CCDC136: variants seen among roughly 807,000 people sequenced by gnomAD.
CCDC136 encodes the protein coiled-coil domain containing 136.
Under a neutral mutation model 141.2 loss-of-function variants are expected in CCDC136, and 100 were observed. The observed-to-expected ratio is 0.71, with a 90% CI of 0.60 to 0.84. The LOEUF (loss-of-function observed/expected upper bound fraction) is 0.84, where lower values mean the gene tolerates loss of function less well. Among genes scored for constraint, CCDC136 ranks in the 40% least tolerant of loss-of-function variants. The pLI, the probability that CCDC136 is intolerant of heterozygous loss-of-function variation, is 0.00. For missense variants in CCDC136, 1,206 were observed against 1,379.4 expected (o/e 0.87, Z 1.99); for synonymous variants, 474 against 531.9 (o/e 0.89, Z 1.50).
In CCDC136 at chr7:128,812,803, G is replaced by A; in HGVS notation, c.2637G>A (p.Glu879=). The change falls in exon 14 of 18, where the codon GAG becomes GAA. Residue 879 remains glutamate (E), a synonymous_variant. Transcript: ENST00000297788. ...AGGAGGAACACAGCCAGCTGCAAGA[G>A]CAGATGGAAAAGTTACTGGCCAAGC... The part of the protein sequence containing the change: ...ISQEEHSQLQ[E]QMEKLLAKQK... 1 of 1,613,558 alleles carries A rather than the reference G, an allele frequency of 6.2e-7. No homozygotes were observed. Among genetic ancestry groups the A allele is most frequent in the Non-Finnish European group, 8.5e-7 (1 of 1,179,780 alleles).
chr7:128,807,653 A>T, intron 10 of CCDC136, 108 bp downstream of exon 10: 1 of 665,644 alleles, frequency 1.5e-6, no homozygotes, highest in East Asian at 3.4e-5. Context: ...TGGCCTTCCT[A>T]GGCAGGAAGC....
chr7:128,813,394 G>A (rs1806082285), intron 14 of CCDC136, among the ~76,000 whole-genome samples: 1 of 152,194 alleles, frequency 6.6e-6, no homozygotes, highest in African/African-American at 2.4e-5. Context: ...TCTTGTCTCT[G>A]GCCAGGGGTT....
In CCDC136 at chr7:128,822,048, G is replaced by T. The variant is rs1429363488; in HGVS notation, c.*255G>T. ...CAGCCTCAGTCACCCAGGCTGAAAAGGCTTGTGGGGAGCGGCTGACTTCCA... is the reference window on the plus strand; with the variant it reads ...CAGCCTCAGTCACCCAGGCTGAAAATGCTTGTGGGGAGCGGCTGACTTCCA... On this transcript the variant is annotated 3_prime_UTR_variant, in exon 18 of 18. Transcript: ENST00000297788. 1 of 1,196,190 alleles carries T rather than the reference G, an allele frequency of 8.4e-7. No individual in the cohort carries two copies. Among genetic ancestry groups the T allele is most frequent in the African/African-American group, 1.6e-5 (1 of 62,886 alleles). 74.1% of individuals were successfully genotyped at this position (1,196,190 alleles called of 1,614,324 possible).
chr7:128,811,016 A>G (rs951340975), intron 12 of CCDC136, among the ~76,000 whole-genome samples: 17 of 152,180 alleles, frequency 1.1e-4, no homozygotes, highest in African/African-American at 3.4e-4. Flanking sequence ...TCACCATACA[A>G]TTCTCTTCAG....
intron 12 of CCDC136, among the ~76,000 whole-genome samples, chr7:128,810,941 C>T (rs1486698503): frequency 6.6e-6 from 1 of 152,108 alleles, no homozygotes; most frequent in Non-Finnish European, 1.5e-5. Flanking sequence ...AGGGGTTAGA[C>T]CAGAAAATTG....
chr7:128,796,739 A>ATTTTTTTTTTTTTTT (rs1554377202), intron 3 of CCDC136, among the ~76,000 whole-genome samples: 4 of 113,376 alleles, frequency 3.5e-5, no homozygotes, highest in Non-Finnish European at 6.7e-5. Flanking sequence ...ATATATATAT[A>ATTTTTTTTTTTTTTT]TTCTTTTTTT....
intron 4 of CCDC136, among the ~76,000 whole-genome samples, chr7:128,803,326 A>G (rs1804330830): frequency 6.6e-6 from 1 of 152,164 alleles, no homozygotes; most frequent in Non-Finnish European, 1.5e-5. Context: ...TTAGTCATGA[A>G]GCAACAAAAC....
At position 128,812,290 on chromosome 7, in the gene CCDC136, C is replaced by G; in HGVS notation, c.2519C>G (p.Pro840Arg). 1.2e-6 allele frequency: 2 copies of G among 1,612,446 alleles called. No individual in the cohort carries two copies. Among genetic ancestry groups the G allele is most frequent in the South Asian group, 2.2e-5 (2 of 90,864 alleles). ...SFVSSCTDEE[P>R]AEPEDMERFE... The stretch of plus-strand genomic sequence containing the variant: ...GTCAGCAGCTGCACTGACGAGGAAC[C>G]TGCTGAGCCTGAAGACATGGAGGTA... The change falls in exon 13 of 18, where the codon CCT (proline) becomes CGT (arginine). Residue 840 changes from proline (P) to arginine (R), a missense_variant. Physicochemically the swap from Pro to Arg is moderately radical, Grantham distance 103. Transcript: ENST00000297788.
Position 128,801,487 on chromosome 7 carries a change from C to T in CCDC136, c.648C>T (p.Leu216=), listed in dbSNP as rs117874579. Residue 216 remains leucine (L), a synonymous_variant, in exon 4 of 18, where the codon CTC becomes CTT. Coordinates refer to ENST00000297788, the MANE Select transcript of CCDC136 (RefSeq NM_022742.5). ...CTGAACCATCCGGTAGTTTAGGTCTCTCAGATTACTCTGGGTTACAAGGTA... is the reference window on the plus strand; with the variant it reads ...CTGAACCATCCGGTAGTTTAGGTCTTTCAGATTACTCTGGGTTACAAGGTA... The part of the protein sequence containing the change: ...KSSEPSGSLG[L]SDYSGLQEEL... 785 of 1,604,342 alleles carry T rather than the reference C, an allele frequency of 4.9e-4. 1 individual carries two copies. The highest frequency in any genetic ancestry group is 5.5e-4 in the Non-Finnish European group (646 of 1,172,594).
In CCDC136 at chr7:128,794,188, G is replaced by A; in HGVS notation, c.17-160G>A. The A allele has an allele frequency of 1.1e-6, 1 of 896,576 alleles. No individual in the cohort carries two copies. The highest frequency in any genetic ancestry group is 1.8e-6 in the Non-Finnish European group (1 of 561,388). The allele number at this position is 896,576 out of a possible 1,614,324, so 55.5% of individuals were successfully genotyped here. ...TCTCAACTTGACTCTCACACCTGAG[G>A]ACTCATCTTGAGTACAGGTCTTGCC... On this transcript the variant is annotated intron_variant, in intron 1 of 17. Transcript: ENST00000297788. The surrounding 1 kb of genome is among the most constrained non-coding windows in gnomAD (Gnocchi z 4.3).
Position 128,812,054 on chromosome 7 carries a change from T to G in CCDC136, c.2283T>G (p.Thr761=). 1 of 1,614,022 alleles carries G rather than the reference T, an allele frequency of 6.2e-7. No individual in the cohort carries two copies. The highest frequency in any genetic ancestry group is 8.5e-7 in the Non-Finnish European group (1 of 1,179,884). ...CCAGCAATGAGAACTGTCGCAAGAC[T>G]TATGATACCACTGTGGATGACAATG... ...MVPSNENCRK[T]YDTTVDDNES... is the part of the protein sequence containing the mutation. Residue 761 remains threonine (T), a synonymous_variant, in exon 13 of 18, where the codon ACT becomes ACG. Coordinates refer to ENST00000297788, the MANE Select transcript of CCDC136 (RefSeq NM_022742.5).
In CCDC136 at chr7:128,801,289, CCAGAGTCTGCGGCAAGCAG is replaced by C; in HGVS notation, c.456_474del (p.Ser152ArgfsTer11). On this transcript the variant is annotated frameshift_variant, in exon 4 of 18. Coordinates refer to ENST00000297788, the MANE Select transcript of CCDC136 (RefSeq NM_022742.5). LOFTEE classifies it high-confidence loss of function. ...AATTGCATTTGGCCCAGGCTGAGAT[CCAGAGTCTGCGGCAAGCAG>C]CAGAGGATTCCGCAACTGAACATGA... The C allele has an allele frequency of 6.2e-7, 1 of 1,613,848 alleles. No individual in the cohort carries two copies. Among genetic ancestry groups the C allele is most frequent in the Non-Finnish European group, 8.5e-7 (1 of 1,179,842 alleles).
In CCDC136 at chr7:128,821,683, C is replaced by A; in HGVS notation, c.*6-116C>A. ...CCTCCACCGGTTACCCAGGAGGTAA[C>A]AGAGACTGATCCACAATGTTCCTGA... On this transcript the variant is annotated intron_variant, in intron 17 of 17. Transcript: ENST00000297788. This position sits in a 1 kb window ranked among gnomAD's most constrained non-coding sequence, Gnocchi z 5.1. 1 of 739,794 alleles carries A rather than the reference C, an allele frequency of 1.4e-6. No homozygotes were observed. Among genetic ancestry groups the A allele is most frequent in the Non-Finnish European group, 2.0e-6 (1 of 502,912 alleles). The allele number at this position is 739,794 out of a possible 1,614,324, so 45.8% of individuals were successfully genotyped here. A position where few individuals can be genotyped will look rare whatever the true frequency, so the allele number is the denominator to read the frequency against.
intron 16 of CCDC136, 75 bp downstream of exon 16, chr7:128,816,006 C>A: frequency 6.9e-7 from 1 of 1,445,126 alleles, no homozygotes; most frequent in East Asian, 2.3e-5. Flanking sequence ...AATGGGTGGC[C>A]CTGCCAAGGA....
At position 128,807,430 on chromosome 7, in the gene CCDC136, G is replaced by A. The variant is rs940657589; in HGVS notation, c.1490G>A (p.Arg497Gln). The A allele has an allele frequency of 5.7e-6, 9 of 1,578,160 alleles. No individual in the cohort carries two copies. Among genetic ancestry groups the A allele is most frequent in the African/African-American group, 2.7e-5 (2 of 73,678 alleles). The change falls in exon 10 of 18, where the codon CGG (arginine) becomes CAG (glutamine). Residue 497 changes from arginine (R) to glutamine (Q), a missense_variant. Arg to Gln is a conservative substitution (Grantham distance 43). Transcript: ENST00000297788. ...LYQASKDELERQKHMYDQLEQ... is the reference protein window; with the variant it reads ...LYQASKDELEQQKHMYDQLEQ... Reference sequence around the variant, plus strand: ...CAGGCCAGCAAGGACGAGCTGGAGCGGCAGAAGCACATGTATGACCAGCTG... The same window carrying A: ...CAGGCCAGCAAGGACGAGCTGGAGCAGCAGAAGCACATGTATGACCAGCTG...
At chr7:128,797,921 A>T (rs901040838) in intron 3 of CCDC136, among the ~76,000 whole-genome samples, 1 of 139,610 alleles carries the variant, frequency 7.2e-6, no homozygotes, top group Non-Finnish European at 1.6e-5. Flanking sequence ...ATAGGGTTCT[A>T]TTTTTTTTTT....
rs372761655 is a variant in CCDC136, at chr7:128,812,139, T to A, written c.2368T>A (p.Tyr790Asn). The change falls in exon 13 of 18, where the codon TAT becomes AAT. Residue 790 changes from tyrosine to asparagine, a missense_variant. Tyr to Asn is a moderately radical substitution (Grantham distance 143). Transcript: ENST00000297788. Reference protein sequence around the residue: ...QTSSKSFLKSYDSSTSASEAY... With the variant: ...QTSSKSFLKSNDSSTSASEAY... ...CAGCAGCAAGAGCTTTCTCAAGAGC[T>A]ATGACAGCAGCACCAGTGCCAGTGA... 1 of 1,613,878 alleles carries A rather than the reference T, an allele frequency of 6.2e-7. No individual in the cohort carries two copies. The highest frequency in any genetic ancestry group is 1.3e-5 in the African/African-American group (1 of 74,910).
At chr7:128,800,233 A>G (rs1803799750) in intron 3 of CCDC136, among the ~76,000 whole-genome samples, 1 of 152,144 alleles carries the variant, frequency 6.6e-6, no homozygotes, top group Admixed American at 6.5e-5. Context: ...TAGATCTGAT[A>G]CTTTCTTTTA....
chr7:128,805,985 G>C lies in CCDC136; in HGVS notation c.1089+84G>C. On this transcript the variant is annotated intron_variant, in intron 7 of 17. Transcript: ENST00000297788. This position sits in a 1 kb window ranked among gnomAD's most constrained non-coding sequence, Gnocchi z 4.6. Reference sequence around the variant, plus strand: ...GCTTCAACCGGGGTGGGCACAGTGAGTATGGCTGTGCTCTGCTGACTCTTG... The same window carrying C: ...GCTTCAACCGGGGTGGGCACAGTGACTATGGCTGTGCTCTGCTGACTCTTG... 6.7e-7 allele frequency: 1 copy of C among 1,484,452 alleles called. No homozygotes were observed. Among genetic ancestry groups the C allele is most frequent in the Non-Finnish European group, 9.3e-7 (1 of 1,073,686 alleles). 92.0% of individuals were successfully genotyped at this position (1,484,452 alleles called of 1,614,324 possible).
Sources: gnomAD v4.1 joint callset for allele counts (sites outside exome capture counted in the v4.1 genomes callset) on GRCh38, gnomAD v4.1.1 for gene constraint, Gnocchi (gnomAD v3.1) non-coding constraint, MANE v1.5 for transcripts, NCBI Gene and HGNC (gene_info 2026-07-23, HGNC 2026-07-21) for gene names.